ZP3: variants seen among roughly 807,000 people sequenced by gnomAD.
ZP3 encodes zona pellucida glycoprotein 3, also known as zona pellucida sperm-binding protein 3.
In ZP3, 21 loss-of-function variants were observed where a neutral mutation model predicts 35.6. The ratio of observed to expected loss-of-function variants is 0.59; its 90% CI spans 0.42 to 0.85. ZP3 has a LOEUF of 0.85. Among genes scored for constraint, ZP3 ranks in the 40% least tolerant of loss-of-function variants. ZP3 has a pLI of 0.00. For synonymous variants in ZP3, 207 were observed against 214.5 expected (o/e 0.96, Z 0.31); for missense variants, 437 against 536.5 (o/e 0.81, Z 1.83).
At chr7:76,432,482 C>T (rs1048161275) in intron 2 of ZP3, among the ~76,000 whole-genome samples, 1 of 152,056 alleles carries the variant, frequency 6.6e-6, no homozygotes, top group Non-Finnish European at 1.5e-5. Context: ...CCGTGCCTGG[C>T]CTCTTTTCTT....
intron 1 of ZP3, among the ~76,000 whole-genome samples, chr7:76,405,274 TATATATATATATATATATATATATATA>T (rs1804965042): frequency 9.4e-5 from 2 of 21,250 alleles, no homozygotes; most frequent in Non-Finnish European, 1.6e-4. Context: ...CAGCTAATTA[TATATATATATATATATATATATATATA>T]TATATATATA....
rs778149636 is a variant in ZP3, at chr7:76,429,563, C to T, written c.361C>T (p.Arg121Cys). Reference protein sequence around the residue: ...VYSTFLLHDPRPVGNLSIVRT... With the variant: ...VYSTFLLHDPCPVGNLSIVRT... ...CAGCACCTTCCTGCTCCATGACCCC[C>T]GCCCCGTGGGAAACCTGTCCATCGT... Residue 121 changes from arginine to cysteine, a missense_variant, in exon 2 of 8, where the codon CGC (arginine) becomes TGC (cysteine). Arg to Cys is a radical substitution (Grantham distance 180). Around this residue, in one of 6 missense-constraint regions of ZP3, gnomAD observed 352 missense variants for 308.4 expected, o/e 1.14. Coordinates refer to ENST00000394857, the MANE Select transcript of ZP3 (RefSeq NM_001110354.2). The T allele has an allele frequency of 3.7e-6, 6 of 1,613,984 alleles. No individual in the cohort carries two copies. The highest frequency in any genetic ancestry group is 2.2e-5 in the South Asian group (2 of 91,088).
In ZP3 at chr7:76,425,294, C is replaced by G. The variant is rs1192227801; in HGVS notation, c.312+18C>G. On this transcript the variant is annotated intron_variant, in intron 1 of 7. Transcript: ENST00000394857. ...GCATGCAGGTAAGAGAGGCTGGGGG[C>G]CCTGGCTTTGGTGGGAGGATGTTCG... The G allele has an allele frequency of 6.3e-7, 1 of 1,586,984 alleles. No homozygotes were observed. Among genetic ancestry groups the G allele is most frequent in the South Asian group, 1.1e-5 (1 of 89,560 alleles).
intron 5 of ZP3, among the ~76,000 whole-genome samples, chr7:76,437,678 T>C (rs1473269958): frequency 2.1e-5 from 3 of 145,520 alleles, no homozygotes; most frequent in African/African-American, 5.2e-5. Context: ...TTTTTTTTTT[T>C]AGTAGAGATG....
chr7:76,429,376 G>A, intron 1 of ZP3, 139 bp from the exon 2 acceptor site: 1 of 764,486 alleles, frequency 1.3e-6, no homozygotes, highest in Non-Finnish European at 2.3e-6. Context: ...GGGGTTACAG[G>A]CATGAGTCAC....
chr7:76,398,749 G>A lies in ZP3; in HGVS notation c.-67+952G>A, dbSNP rs575964249. ...TCCATTCGGCAGTGTCGTAGGAGGT[G>A]CTCTACTGGTTAACATCTTCCTTGT... On this transcript the variant is annotated intron_variant, in intron 1 of 8. Transcript: ENST00000336517. 1.1e-4 allele frequency: 184 copies of A among 1,613,526 alleles called. 1 individual carries two copies. In the South Asian group the frequency reaches 1.8e-3, roughly 16 times the overall value.
chr7:76,430,327 C>T (rs568098330), intron 2 of ZP3, among the ~76,000 whole-genome samples: 1 of 152,314 alleles, frequency 6.6e-6, no homozygotes, highest in African/African-American at 2.4e-5. Flanking sequence ...TGAACTCAGG[C>T]CCTGAAGTGG....
chr7:76,415,610 CAGCCTCCCAAGT>C (rs1221946927), intron 1 of ZP3, among the ~76,000 whole-genome samples: 5 of 150,998 alleles, frequency 3.3e-5, no homozygotes, highest in African/African-American at 1.2e-4. Context: ...TCTCCTGCCT[CAGCCTCCCAAGT>C]AGCTGGGACT....
At chr7:76,400,565 G>A (rs546644248) in intron 1 of ZP3, 11 of 1,490,710 alleles carry the variant, frequency 7.4e-6, no homozygotes, top group South Asian at 2.6e-5. Flanking sequence ...CCCCGGCAGC[G>A]GCTGGGGCCC....
At chr7:76,438,318 G>A (rs1247198291) in intron 5 of ZP3, among the ~76,000 whole-genome samples, 1 of 152,094 alleles carries the variant, frequency 6.6e-6, no homozygotes, top group African/African-American at 2.4e-5. Context: ...AGCACTTTGT[G>A]AGGCCAAGGC....
At position 76,425,045 on chromosome 7, in the gene ZP3, C is replaced by T; in HGVS notation, c.81C>T (p.Leu27=). The T allele has an allele frequency of 1.2e-6, 2 of 1,607,536 alleles. No individual in the cohort carries two copies. Among genetic ancestry groups the T allele is most frequent in the Non-Finnish European group, 1.7e-6 (2 of 1,177,292 alleles). ...TGTGCTACCCCCAACCCCTCTGGCTCTTGCAGGGTGGAGCCAGCCATCCTG... is the reference window on the plus strand; with the variant it reads ...TGTGCTACCCCCAACCCCTCTGGCTTTTGCAGGGTGGAGCCAGCCATCCTG... ...TELCYPQPLW[L]LQGGASHPET... The change falls in exon 1 of 8, where the codon CTC becomes CTT. Residue 27 remains leucine (L), a synonymous_variant. Coordinates refer to ENST00000394857, the MANE Select transcript of ZP3 (RefSeq NM_001110354.2).
chr7:76,440,587 T>A lies in ZP3; in HGVS notation c.1036T>A (p.Ser346Thr). 1.9e-6 allele frequency: 3 copies of A among 1,613,738 alleles called. No individual in the cohort carries two copies. Among genetic ancestry groups the A allele is most frequent in the Non-Finnish European group, 2.5e-6 (3 of 1,179,718 alleles). The stretch of plus-strand genomic sequence containing the variant: ...TCATGTCATGAGCCAGTGGTCCAGG[T>A]CTGCTTCCCGTAACCGCAGGCATGG... Reference protein sequence around the residue: ...QPHVMSQWSRSASRNRRHVTE... With the variant: ...QPHVMSQWSRTASRNRRHVTE... The change falls in exon 7 of 8, where the codon TCT (serine) becomes ACT (threonine). Residue 346 changes from serine to threonine, a missense_variant. Physicochemically the swap from Ser to Thr is moderately conservative, Grantham distance 58. Coordinates refer to ENST00000394857, the MANE Select transcript of ZP3 (RefSeq NM_001110354.2).
chr7:76,415,201 C>A (rs980953235), intron 1 of ZP3, among the ~76,000 whole-genome samples: 2 of 151,330 alleles, frequency 1.3e-5, no homozygotes, highest in Admixed American at 6.6e-5. Flanking sequence ...CATGGTGAAA[C>A]CCTGTCTCTG....
chr7:76,405,007 T>C (rs907686389), intron 1 of ZP3, among the ~76,000 whole-genome samples: 1 of 151,128 alleles, frequency 6.6e-6, no homozygotes, highest in Non-Finnish European at 1.5e-5. Context: ...GAGGTAGAAG[T>C]TGCAGTGAGC....
chr7:76,410,296 G>T (rs1357598676), intron 1 of ZP3, among the ~76,000 whole-genome samples: 1 of 151,560 alleles, frequency 6.6e-6, no homozygotes, highest in African/African-American at 2.4e-5. Flanking sequence ...CTCCCAAAGT[G>T]CTGGGTTTAC....
At chr7:76,423,512 T>C (rs946695642), upstream of ZP3, among the ~76,000 whole-genome samples, 2 of 152,164 alleles carry the variant, frequency 1.3e-5, no homozygotes, top group Non-Finnish European at 2.9e-5. Flanking sequence ...TGGTTTGATA[T>C]TTGAATCTCC....
intron 3 of ZP3, 92 bp downstream of exon 3, chr7:76,433,122 G>GTTTTGA: frequency 1.9e-6 from 1 of 524,638 alleles, no homozygotes; most frequent in Non-Finnish European, 2.8e-6. Context: ...TGTTTGTTTG[G>GTTTTGA]TTTTGGTTTT....
In ZP3 at chr7:76,433,463, C is replaced by A; in HGVS notation, c.536-7C>A. The A allele has an allele frequency of 6.2e-7, 1 of 1,609,894 alleles. No individual in the cohort carries two copies. The highest frequency in any genetic ancestry group is 8.5e-7 in the Non-Finnish European group (1 of 1,177,890). ...AGCCACCATGCCCAGCTGACTGTGT[C>A]TTTCAGAGAACTGGAACGCTGAGAA... On this transcript the variant is annotated splice_polypyrimidine_tract_variant and splice_region_variant and intron_variant, in intron 3 of 7. Coordinates refer to ENST00000394857, the MANE Select transcript of ZP3 (RefSeq NM_001110354.2).
At chr7:76,435,039 G>A (rs1805949899) in intron 5 of ZP3, among the ~76,000 whole-genome samples, 2 of 152,396 alleles carry the variant, frequency 1.3e-5, no homozygotes, top group South Asian at 2.1e-4. Context: ...TAGCCGGGAA[G>A]TACTGGTAAG....
Sources: allele counts gnomAD v4.1 joint callset (sites outside exome capture counted in the v4.1 genomes callset), GRCh38; gene constraint gnomAD v4.1.1; regional missense constraint gnomAD v4.1.1; transcripts MANE v1.5; gene names NCBI Gene and HGNC (gene_info 2026-07-23, HGNC 2026-07-21).